CDC14A: variants seen among roughly 807,000 people sequenced by gnomAD.
The protein encoded by CDC14A is cell division cycle 14A.
A neutral mutation model predicts 74.4 loss-of-function variants in CDC14A; 53 were observed. The observed-to-expected ratio is 0.71, with a 90% confidence interval of 0.57 to 0.89. The LOEUF is 0.89. Among genes scored for constraint, CDC14A ranks in the 40% least tolerant of loss-of-function variants. The probability of loss-of-function intolerance (pLI) is 0.00; values close to 1 mark genes in which losing one functional copy is unlikely to be tolerated. For synonymous variants in CDC14A, 247 were observed against 258.4 expected (o/e 0.96, Z 0.43); for missense variants, 646 against 713.7 (o/e 0.91, Z 1.08).
chr1:100,438,668 C>G (rs1248583931), intron 5 of CDC14A, among the ~76,000 whole-genome samples: 1 of 152,160 alleles, frequency 6.6e-6, no homozygotes, highest in Non-Finnish European at 1.5e-5. Flanking sequence ...AGTTTCAGGA[C>G]TTAAGCATTC....
In CDC14A at chr1:100,520,255, T is replaced by A. The variant is rs1023213022; in HGVS notation, c.*1975T>A. 6.6e-6 allele frequency: 1 copy of A among 152,608 alleles called. No individual in the cohort carries two copies. Among genetic ancestry groups the A allele is most frequent in the Non-Finnish European group, 1.5e-5 (1 of 67,978 alleles). The allele number at this position is 152,608 out of a possible 1,614,324, so 9.5% of individuals were successfully genotyped here. On this transcript the variant is annotated 3_prime_UTR_variant, in exon 16 of 16. Transcript: ENST00000336454. ...TGTAGAAGAATACACTGCTAATAAA[T>A]AATAAAAGTTTTATTCAATTTACTT...
At chr1:100,418,593 G>A (rs932445639) in intron 4 of CDC14A, among the ~76,000 whole-genome samples, 1 of 152,094 alleles carries the variant, frequency 6.6e-6, no homozygotes, top group South Asian at 2.1e-4. Context: ...TGGAACTACT[G>A]GAGTAGGCAG....
Position 100,462,730 on chromosome 1 carries a change from A to G in CDC14A, c.687A>G (p.Lys229=), listed in dbSNP as rs1272795421. 2 of 1,614,142 alleles carry G rather than the reference A, an allele frequency of 1.2e-6. No individual in the cohort carries two copies. The highest frequency in any genetic ancestry group is 1.7e-6 in the Non-Finnish European group (2 of 1,180,008). Residue 229 remains lysine, a synonymous_variant, in exon 9 of 16, where the codon AAA becomes AAG. Coordinates refer to ENST00000336454, the MANE Select transcript of CDC14A (RefSeq NM_003672.4). Reference sequence around the variant, plus strand: ...TGACTGCAGTTGTGAGGCTAAACAAAAAGATTTATGAGGCAAAGCGCTTCA... The same window carrying G: ...TGACTGCAGTTGTGAGGCTAAACAAGAAGATTTATGAGGCAAAGCGCTTCA... ...HNVTAVVRLN[K]KIYEAKRFTD...
At chr1:100,351,868 A>G, upstream of CDC14A, 6 of 1,435,484 alleles carry the variant, frequency 4.2e-6, no homozygotes, top group South Asian at 4.9e-5. Context: ...TTCTTTTTCA[A>G]TTGTATTTTT....
chr1:100,438,043 A>T (rs1187996983), intron 5 of CDC14A, among the ~76,000 whole-genome samples: 3 of 152,160 alleles, frequency 2.0e-5, no homozygotes, highest in Non-Finnish European at 1.5e-5. Context: ...ATAAAGTTAC[A>T]TCCAATTATA....
intron 4 of CDC14A, among the ~76,000 whole-genome samples, chr1:100,398,748 A>T (rs1377657467): frequency 6.6e-6 from 1 of 152,100 alleles, no homozygotes; most frequent in African/African-American, 2.4e-5. Flanking sequence ...TGTTTTTTTG[A>T]GGTATTTTCA....
chr1:100,491,572 A>ATATTTT lies in CDC14A; in HGVS notation c.1138-3245_1138-3244insATTTTT, dbSNP rs1418515078. On this transcript the variant is annotated intron_variant, in intron 11 of 15. Transcript: ENST00000336454. ...TCTATATATATATATATATATATATATTTTTTTTTTTTTTTTTTTTTTTGA... is the reference window on the plus strand; with the variant it reads ...TCTATATATATATATATATATATATATATTTTTTTTTTTTTTTTTTTTTTTTTTTGA... Among the ~76,000 whole-genome samples, 77 of 25,110 alleles carry ATATTTT rather than the reference A, an allele frequency of 3.1e-3. 3 individuals are homozygous for ATATTTT. Among genetic ancestry groups the ATATTTT allele is most frequent in the Admixed American group, 4.3e-3 (7 of 1,640 alleles). 16.5% of individuals were successfully genotyped at this position (25,110 alleles called of 152,430 possible).
At chr1:100,489,490 G>A (rs1393571064) in intron 11 of CDC14A, among the ~76,000 whole-genome samples, 1 of 151,784 alleles carries the variant, frequency 6.6e-6, no homozygotes, top group Non-Finnish European at 1.5e-5. Context: ...GCTGAAATCT[G>A]TGGACACGAT....
chr1:100,365,756 T>C (rs1229557316), intron 2 of CDC14A, among the ~76,000 whole-genome samples: 3 of 152,240 alleles, frequency 2.0e-5, no homozygotes, highest in East Asian at 3.9e-4. Context: ...TCATCTGAGG[T>C]TGGTATTTGT....
chr1:100,404,076 C>A (rs1011158334), intron 4 of CDC14A, among the ~76,000 whole-genome samples: 4 of 144,732 alleles, frequency 2.8e-5, no homozygotes, highest in Non-Finnish European at 6.2e-5. Flanking sequence ...ATTCATTAAA[C>A]CCCTCTTCAT....
intron 5 of CDC14A, among the ~76,000 whole-genome samples, chr1:100,437,368 C>G (rs923620005): frequency 2.0e-5 from 3 of 152,112 alleles, no homozygotes; most frequent in Non-Finnish European, 2.9e-5. Context: ...TCTTTCTTGT[C>G]CAGTCTTTGG....
chr1:100,358,235 C>T (rs1252176972), intron 2 of CDC14A, among the ~76,000 whole-genome samples: 1 of 152,288 alleles, frequency 6.6e-6, no homozygotes, highest in East Asian at 1.9e-4. Context: ...AATAACACAC[C>T]ACTCCCTGGA....
At chr1:100,417,670 C>G (rs886901358) in intron 4 of CDC14A, among the ~76,000 whole-genome samples, 8 of 152,166 alleles carry the variant, frequency 5.3e-5, no homozygotes, top group Non-Finnish European at 4.4e-5. Context: ...TGAATTGACT[C>G]TATTTGGCTT....
chr1:100,379,891 A>G (rs544179829), intron 3 of CDC14A, among the ~76,000 whole-genome samples: 1 of 152,130 alleles, frequency 6.6e-6, no homozygotes, highest in Non-Finnish European at 1.5e-5. Flanking sequence ...TAACAACAAA[A>G]TCTTGGGGGA....
At chr1:100,463,678 C>G (rs371661291) in intron 9 of CDC14A, among the ~76,000 whole-genome samples, 1 of 152,170 alleles carries the variant, frequency 6.6e-6, no homozygotes, top group African/African-American at 2.4e-5. Context: ...TATCTGGCAA[C>G]CCCATGTCAG....
chr1:100,368,078 C>A (rs12048099), intron 2 of CDC14A, among the ~76,000 whole-genome samples: 2,901 of 152,190 alleles, frequency 0.019, 182 homozygotes, highest in East Asian at 0.18. Flanking sequence ...ATAATTGGGC[C>A]TTTGTAGGGA....
chr1:100,409,283 C>T (rs1660359813), intron 4 of CDC14A, among the ~76,000 whole-genome samples: 1 of 152,144 alleles, frequency 6.6e-6, no homozygotes, highest in Admixed American at 6.5e-5. Context: ...CGGGTCCCTC[C>T]CATAACATGT....
chr1:100,469,553 C>G (rs547899287), intron 10 of CDC14A, among the ~76,000 whole-genome samples: 1 of 152,234 alleles, frequency 6.6e-6, no homozygotes, highest in African/African-American at 2.4e-5. Context: ...CATGTATCTG[C>G]CAGGTTCTCA....
In CDC14A at chr1:100,491,572, A is replaced by ATATATTTT. The variant is rs1418515078; in HGVS notation, c.1138-3245_1138-3244insATATTTTT. On this transcript the variant is annotated intron_variant, in intron 11 of 15. Transcript: ENST00000336454. Reference sequence around the variant, plus strand: ...TCTATATATATATATATATATATATATTTTTTTTTTTTTTTTTTTTTTTGA... The same window carrying ATATATTTT: ...TCTATATATATATATATATATATATATATATTTTTTTTTTTTTTTTTTTTTTTTTTTGA... Among the ~76,000 whole-genome samples, 48 of 25,104 alleles carry ATATATTTT rather than the reference A, an allele frequency of 1.9e-3. 2 individuals are homozygous for ATATATTTT. The highest frequency in any genetic ancestry group is 2.2e-3 in the Non-Finnish European group (31 of 14,062). The allele number at this position is 25,104 out of a possible 152,430, so 16.5% of individuals were successfully genotyped here.
Sources: gnomAD v4.1 joint callset for allele counts (sites outside exome capture counted in the v4.1 genomes callset) on GRCh38, gnomAD v4.1.1 for gene constraint, MANE v1.5 for transcripts, NCBI Gene and HGNC (gene_info 2026-07-23, HGNC 2026-07-21) for gene names.